Variants in CFH observed in about 807,000 individuals in gnomAD.
CFH encodes complement factor H.
Under a neutral mutation model 147.3 loss-of-function variants are expected in CFH, and 53 were observed. That is an observed-to-expected ratio of 0.36 (90% CI 0.29 to 0.45). CFH has a LOEUF of 0.45. CFH is among the 20% of genes least tolerant of loss of function. The pLI is 1.00. For missense variants in CFH, 1,380 were observed against 1,498.0 expected, an observed-to-expected ratio of 0.92 and a Z score of 1.30; for synonymous variants, 536 against 489.4, an observed-to-expected ratio of 1.10 and a Z score of -1.26.
chr1:196,701,866 A>G (rs181457711), intron 9 of CFH, among the ~76,000 whole-genome samples: 125 of 152,274 alleles, frequency 8.2e-4, no homozygotes, highest in Admixed American at 1.4e-3. Flanking sequence ...AAAAAAGATT[A>G]TCTTACTTTT....
rs770771544 is a variant in CFH at position 196,725,266 on chromosome 1, T to C, written c.1842T>C (p.Phe614=). 1.2e-6 allele frequency: 2 copies of C among 1,613,954 alleles called. No homozygotes were observed. The highest frequency in any genetic ancestry group is 2.2e-5 in the East Asian group (1 of 44,854). ...CTAATTCCGTTCAGTGCTACCACTT[T>C]GGATTGTCTCCTGACCTCCCAATAT... ...VGPNSVQCYH[F]GLSPDLPICK... is the part of the protein sequence containing the mutation. Residue 614 remains phenylalanine (F), a synonymous_variant, in exon 12 of 22, where the codon TTT becomes TTC. Transcript: ENST00000367429.
intron 9 of CFH, among the ~76,000 whole-genome samples, chr1:196,695,659 A>C (rs76146642): frequency 6.6e-6 from 1 of 151,754 alleles, no homozygotes; most frequent in Non-Finnish European, 1.5e-5. Context: ...TTTTCTATTT[A>C]TTTTGGCCCT....
At chr1:196,689,994 AAT>A in intron 8 of CFH, 67 bp from the exon 9 acceptor site, 1 of 1,414,746 alleles carries the variant, frequency 7.1e-7, no homozygotes, top group Non-Finnish European at 9.7e-7. Flanking sequence ...AAATAATTGT[AAT>A]ATACTATTTT....
At chr1:196,714,626 C>T (rs1437458657) in intron 10 of CFH, among the ~76,000 whole-genome samples, 41 of 18,078 alleles carry the variant, frequency 2.3e-3, no homozygotes, top group Admixed American at 2.5e-3. Context: ...TGTGTGTATA[C>T]GTATATATGT....
At chr1:196,739,824 A>G (rs545516566) in intron 17 of CFH, among the ~76,000 whole-genome samples, 2 of 152,276 alleles carry the variant, frequency 1.3e-5, no homozygotes, top group South Asian at 4.1e-4. Context: ...CTGCAGTACC[A>G]ATTTACTGTA....
chr1:196,724,316 C>T (rs923415817), intron 11 of CFH, among the ~76,000 whole-genome samples: 3 of 151,828 alleles, frequency 2.0e-5, no homozygotes, highest in Admixed American at 2.0e-4. Context: ...GGAAACAGTC[C>T]CCACATGAGT....
At chr1:196,659,783 A>G (rs765516168) in intron 1 of CFH, among the ~76,000 whole-genome samples, 1 of 152,132 alleles carries the variant, frequency 6.6e-6, no homozygotes, top group Non-Finnish European at 1.5e-5. Context: ...ATAATCCTCA[A>G]TTTGGTCCAG....
At chr1:196,686,642 GA>G (rs1667839750) in intron 7 of CFH, among the ~76,000 whole-genome samples, 1 of 152,200 alleles carries the variant, frequency 6.6e-6, no homozygotes, top group East Asian at 1.9e-4. Context: ...ATCCCTAAGA[GA>G]GGAAGCTATT....
rs541942504 is a variant in CFH, at chr1:196,680,946, T to C, written c.790+1153T>C. 3.3e-5 allele frequency among the ~76,000 whole-genome samples: 5 copies of C among 152,018 alleles called. No homozygotes were observed. In the East Asian group the frequency reaches 9.7e-4, roughly 29 times the overall value. The stretch of plus-strand genomic sequence containing the variant: ...GTTAAGAGAATATTTTAGAAAGAAA[T>C]TAATGAACATGAGACAGTAATAACC... On this transcript the variant is annotated intron_variant, in intron 6 of 21. Coordinates refer to ENST00000367429, the MANE Select transcript of CFH (RefSeq NM_000186.4).
At chr1:196,726,701 T>G in intron 13 of CFH, 49 bp downstream of exon 13, 1 of 1,607,462 alleles carries the variant, frequency 6.2e-7, no homozygotes, top group South Asian at 1.1e-5. Flanking sequence ...TTTTGTATTT[T>G]GTATCTAAAA....
At chr1:196,745,781 T>C in intron 20 of CFH, 36 bp from the exon 21 acceptor site, 1 of 1,613,914 alleles carries the variant, frequency 6.2e-7, no homozygotes, top group South Asian at 1.1e-5. Flanking sequence ...TGATTTGCTC[T>C]CACAACAAAT....
At chr1:196,666,073 G>A (rs1288070783) in intron 1 of CFH, among the ~76,000 whole-genome samples, 1 of 152,184 alleles carries the variant, frequency 6.6e-6, no homozygotes, top group African/African-American at 2.4e-5. Context: ...GAGATTTCAG[G>A]CACTGAAACT....
chr1:196,728,269 C>T, intron 14 of CFH, 77 bp from the exon 15 acceptor site: 1 of 1,038,906 alleles, frequency 9.6e-7, no homozygotes, highest in Non-Finnish European at 1.4e-6. Flanking sequence ...ATACTATTTA[C>T]TTTATAACTA....
chr1:196,742,173 G>C (rs961409651), intron 19 of CFH, 122 bp downstream of exon 19: 25 of 843,800 alleles, frequency 3.0e-5, no homozygotes, highest in Non-Finnish European at 4.3e-5. Context: ...TCAGGAGTTC[G>C]AGACCAGCCT....
At chr1:196,672,623 T>C (rs1667321638) in intron 1 of CFH, among the ~76,000 whole-genome samples, 1 of 152,210 alleles carries the variant, frequency 6.6e-6, no homozygotes, top group Admixed American at 6.5e-5. Flanking sequence ...CTTAGAATAG[T>C]GCTCAATAAA....
intron 15 of CFH, among the ~76,000 whole-genome samples, chr1:196,730,834 C>T (rs1019294527): frequency 2.0e-5 from 3 of 151,714 alleles, no homozygotes; most frequent in African/African-American, 7.2e-5. Flanking sequence ...TATATAATAA[C>T]TTTCTTTGTA....
chr1:196,723,778 C>T (rs561434115), intron 11 of CFH, among the ~76,000 whole-genome samples: 17 of 152,012 alleles, frequency 1.1e-4, no homozygotes, highest in Non-Finnish European at 1.6e-4. Context: ...GGGAGATACC[C>T]GTAGCTTGTC....
At chr1:196,654,736 G>A (rs530465095) in intron 1 of CFH, among the ~76,000 whole-genome samples, 3 of 152,246 alleles carry the variant, frequency 2.0e-5, no homozygotes, top group South Asian at 4.1e-4. Flanking sequence ...TTGTTTGGGA[G>A]ACATGTTTTT....
chr1:196,735,600 A>G (rs957586085), intron 15 of CFH, among the ~76,000 whole-genome samples: 1 of 152,088 alleles, frequency 6.6e-6, no homozygotes, highest in African/African-American at 2.4e-5. Context: ...CATGCATCAG[A>G]AAAAACAAAT....
Sources: allele counts gnomAD v4.1 joint callset (sites outside exome capture counted in the v4.1 genomes callset), GRCh38; gene constraint gnomAD v4.1.1; transcripts MANE v1.5; gene names NCBI Gene and HGNC (gene_info 2026-07-23, HGNC 2026-07-21).